The following CHRM3 variants were observed in gnomAD, a reference collection of about 807,000 sequenced individuals.
CHRM3 encodes the protein cholinergic receptor muscarinic 3.
A neutral mutation model predicts 41.8 loss-of-function variants in CHRM3; 11 were observed. The observed-to-expected ratio is 0.26, with a 90% CI of 0.17 to 0.44. CHRM3 has a LOEUF of 0.44. Ranked by LOEUF, CHRM3 falls within the 20% of genes least tolerant of loss-of-function variation. CHRM3 has a pLI of 1.00. For synonymous variants in CHRM3, 297 were observed against 301.4 expected (o/e 0.99, Z 0.15); for missense variants, 571 against 745.4 (o/e 0.77, Z 2.72).
intron 2 of CHRM3, among the ~76,000 whole-genome samples, chr1:239,533,937 CT>C (rs1274067158): frequency 2.0e-5 from 3 of 152,078 alleles, no homozygotes; most frequent in Non-Finnish European, 2.9e-5. Context: ...TACCACACCT[CT>C]CCTGCCCTGT....
chr1:239,511,213 C>T (rs1341981432), intron 2 of CHRM3, among the ~76,000 whole-genome samples: 1 of 152,146 alleles, frequency 6.6e-6, no homozygotes, highest in Non-Finnish European at 1.5e-5. Flanking sequence ...CTGTGAAGAC[C>T]AGCTAGAGCC....
intron 3 of CHRM3, among the ~76,000 whole-genome samples, chr1:239,606,407 C>G (rs762147935): frequency 6.6e-6 from 1 of 151,902 alleles, no homozygotes; most frequent in South Asian, 2.1e-4. Context: ...TCCCGAGTAG[C>G]TGGGACTACA....
chr1:239,548,306 G>A (rs1220620959), intron 3 of CHRM3, among the ~76,000 whole-genome samples: 3 of 152,102 alleles, frequency 2.0e-5, no homozygotes, highest in Admixed American at 2.0e-4. Flanking sequence ...GCCAGTTGCT[G>A]GGCTGACATG....
At chr1:239,798,052 A>C (rs935208312) in intron 5 of CHRM3, among the ~76,000 whole-genome samples, 1 of 151,360 alleles carries the variant, frequency 6.6e-6, no homozygotes, top group Non-Finnish European at 1.5e-5. Flanking sequence ...CTATCTCTAC[A>C]AAAAAAAATG....
At chr1:239,601,847 A>C (rs1291921915) in intron 3 of CHRM3, among the ~76,000 whole-genome samples, 1 of 151,740 alleles carries the variant, frequency 6.6e-6, no homozygotes, top group Non-Finnish European at 1.5e-5. Flanking sequence ...CTTTGTTCCT[A>C]GTGGTGCAAT....
At chr1:239,864,047 A>G (rs1184522769) in intron 6 of CHRM3, among the ~76,000 whole-genome samples, 1 of 151,446 alleles carries the variant, frequency 6.6e-6, no homozygotes, top group African/African-American at 2.4e-5. Context: ...GCTGAAAAGT[A>G]TTTGATAAAA....
intron 3 of CHRM3, among the ~76,000 whole-genome samples, chr1:239,566,728 C>G (rs17647429): frequency 0.13 from 19,637 of 152,176 alleles, 1,660 homozygotes; most frequent in Non-Finnish European, 0.17. Flanking sequence ...ACTCAACTTT[C>G]ATGGGGAAAT....
At chr1:239,390,919 A>T (rs981931818) in intron 1 of CHRM3, among the ~76,000 whole-genome samples, 7 of 152,194 alleles carry the variant, frequency 4.6e-5, no homozygotes, top group Non-Finnish European at 1.0e-4. Context: ...GGAGGATTAC[A>T]TGAGGCAAGG....
At chr1:239,566,082 AT>A (rs980500988) in intron 3 of CHRM3, among the ~76,000 whole-genome samples, 87 of 145,446 alleles carry the variant, frequency 6.0e-4, no homozygotes, top group South Asian at 1.3e-3. Flanking sequence ...GCCTGGCTGT[AT>A]TTTTTTTTTT....
At chr1:239,785,658 T>C (rs1668833694) in intron 5 of CHRM3, among the ~76,000 whole-genome samples, 1 of 152,212 alleles carries the variant, frequency 6.6e-6, no homozygotes, top group Admixed American at 6.5e-5. Flanking sequence ...CAGTGCTTTA[T>C]AGATTTCTCA....
intron 5 of CHRM3, among the ~76,000 whole-genome samples, chr1:239,780,191 G>A (rs1016483339): frequency 1.3e-5 from 2 of 152,094 alleles, no homozygotes; most frequent in African/African-American, 2.4e-5. Flanking sequence ...GTTTAGTTTC[G>A]TAAGAAACTG....
chr1:239,423,276 T>G (rs931240944), intron 1 of CHRM3, among the ~76,000 whole-genome samples: 2 of 152,234 alleles, frequency 1.3e-5, no homozygotes, highest in Admixed American at 1.3e-4. Context: ...CTCATATTTT[T>G]GCATTTAAAA....
At chr1:239,904,041 G>A (rs967549631) in intron 6 of CHRM3, among the ~76,000 whole-genome samples, 6 of 152,248 alleles carry the variant, frequency 3.9e-5, no homozygotes, top group African/African-American at 4.8e-5. Flanking sequence ...ATATAGCATC[G>A]GGATGATTGG....
chr1:239,395,562 T>A (rs149246089), intron 1 of CHRM3, among the ~76,000 whole-genome samples: 1 of 152,174 alleles, frequency 6.6e-6, no homozygotes, highest in Non-Finnish European at 1.5e-5. Flanking sequence ...ACCAATATCT[T>A]AATTCATCAT....
intron 3 of CHRM3, among the ~76,000 whole-genome samples, chr1:239,599,986 G>A (rs2148681057): frequency 6.6e-6 from 1 of 152,220 alleles, no homozygotes; most frequent in South Asian, 2.1e-4. Flanking sequence ...CACATAAAAT[G>A]CACATGTAAG....
At chr1:239,703,957 T>G (rs1660912647) in intron 5 of CHRM3, 1 of 152,212 alleles carries the variant, frequency 6.6e-6, no homozygotes. Flanking sequence ...TATGTCAAGT[T>G]TGACATTTCA....
intron 1 of CHRM3, among the ~76,000 whole-genome samples, chr1:239,429,200 T>C (rs1170571262): frequency 2.0e-5 from 3 of 152,248 alleles, no homozygotes; most frequent in Non-Finnish European, 4.4e-5. Context: ...GCATTTTCTT[T>C]AGCTTTTTGC....
At chr1:239,750,563 G>A (rs1479728392) in intron 5 of CHRM3, among the ~76,000 whole-genome samples, 1 of 152,136 alleles carries the variant, frequency 6.6e-6, no homozygotes, top group Non-Finnish European at 1.5e-5. Context: ...TCTCCACTTA[G>A]ATTATAGTGA....
Position 239,675,915 on chromosome 1 carries a change from C to T in CHRM3, c.-249-2271C>T, listed in dbSNP as rs1657957136. Among the ~76,000 whole-genome samples the T allele has an allele frequency of 2.0e-5, 3 of 152,096 alleles. No individual in the cohort carries two copies. The South Asian group carries it at 6.2e-4, about 31-fold the overall frequency. On this transcript the variant is annotated intron_variant, in intron 4 of 6. Coordinates refer to ENST00000676153, the MANE Select transcript of CHRM3 (RefSeq NM_001375978.1). The stretch of plus-strand genomic sequence containing the variant: ...TCCTCTGCAATCTTCCCAGCTTCAG[C>T]AACTGTATTTCACAACTCTGGAGAA...
Sources: allele counts gnomAD v4.1 joint callset (sites outside exome capture counted in the v4.1 genomes callset), GRCh38; gene constraint gnomAD v4.1.1; transcripts MANE v1.5; gene names NCBI Gene and HGNC (gene_info 2026-07-23, HGNC 2026-07-21).